The following CHODL variants were observed in gnomAD, a reference collection of about 807,000 sequenced individuals.
The protein encoded by CHODL is chondrolectin.
Under a neutral mutation model 34.5 loss-of-function variants are expected in CHODL, and 29 were observed. The observed-to-expected ratio is 0.84, with a 90% CI of 0.63 to 1.15. CHODL has a LOEUF of 1.15. Among genes scored for constraint, CHODL ranks in the 50% most tolerant of loss-of-function variants. The pLI, the probability that CHODL is intolerant of heterozygous loss-of-function variation, is 0.00. For synonymous variants in CHODL, 125 were observed against 116.1 expected (o/e 1.08, Z -0.49); for missense variants, 332 against 332.5 (o/e 1.00, Z 0.01).
intron 1 of CHODL, among the ~76,000 whole-genome samples, chr21:17,978,027 C>T (rs1476758952): frequency 6.6e-6 from 1 of 151,828 alleles, no homozygotes; most frequent in Non-Finnish European, 1.5e-5. Flanking sequence ...TAAATTAGCC[C>T]AAACAGTGGC....
chr21:18,150,888 A>G (rs2072956733), intron 2 of CHODL, among the ~76,000 whole-genome samples: 1 of 151,954 alleles, frequency 6.6e-6, no homozygotes, highest in Admixed American at 6.6e-5. Context: ...GTTCAAGACC[A>G]GCCTGGCCAA....
chr21:17,923,141 A>G (rs1002242008), intron 1 of CHODL, among the ~76,000 whole-genome samples: 2 of 152,090 alleles, frequency 1.3e-5, no homozygotes, highest in African/African-American at 4.8e-5. Flanking sequence ...CTTTGAATAG[A>G]ATGGGAGGCA....
At chr21:18,100,035 G>A (rs1010835515) in intron 2 of CHODL, 8 of 151,790 alleles carry the variant, frequency 5.3e-5, no homozygotes, top group African/African-American at 1.9e-4. Context: ...ATATGACAAA[G>A]CAAAGAAGGA....
intron 1 of CHODL, among the ~76,000 whole-genome samples, chr21:18,006,356 GA>G (rs113398493): frequency 0.042 from 5,225 of 123,970 alleles, 229 homozygotes; most frequent in African/African-American, 0.13. Flanking sequence ...TAAAATAAAA[GA>G]AAAAAAAAAA....
intron 1 of CHODL, among the ~76,000 whole-genome samples, chr21:17,933,003 A>G (rs2063287745): frequency 6.6e-6 from 1 of 152,216 alleles, no homozygotes; most frequent in Admixed American, 6.5e-5. Context: ...TGCATCATAG[A>G]CAAGGTAAAG....
intron 2 of CHODL, among the ~76,000 whole-genome samples, chr21:18,077,442 G>A (rs1485074617): frequency 6.6e-6 from 1 of 152,110 alleles, no homozygotes; most frequent in African/African-American, 2.4e-5. Flanking sequence ...AATATATTTT[G>A]CAGGATTGAA....
At chr21:18,200,832 AAG>A (rs568991396) in intron 2 of CHODL, among the ~76,000 whole-genome samples, 18 of 152,194 alleles carry the variant, frequency 1.2e-4, no homozygotes, top group Non-Finnish European at 2.2e-4. Flanking sequence ...GACAATCAAA[AAG>A]AGAGAGAAGG....
At chr21:18,234,020 G>T (rs959481729) in intron 2 of CHODL, among the ~76,000 whole-genome samples, 2 of 152,070 alleles carry the variant, frequency 1.3e-5, no homozygotes, top group African/African-American at 4.8e-5. Flanking sequence ...TTCTTAAAAT[G>T]CTGGAATAAA....
chr21:17,952,194 C>CAAAAAAA lies in CHODL; in HGVS notation c.-145+34809_-145+34815dup, dbSNP rs58511535. Among the ~76,000 whole-genome samples, 453 of 80,206 alleles carry CAAAAAAA rather than the reference C, an allele frequency of 5.6e-3. 9 individuals carry two copies. The highest frequency in any genetic ancestry group is 0.012 in the South Asian group (29 of 2,386). The allele number at this position is 80,206 out of a possible 152,430, so 52.6% of individuals were successfully genotyped here. The stretch of plus-strand genomic sequence containing the variant: ...GATTGTGCAGAGCAATACTATGTCT[C>CAAAAAAA]AAAAAAAAAAAAAAAAAAAAAGAAA... On this transcript the variant is annotated intron_variant, in intron 1 of 6. Transcript: ENST00000400127.
intron 1 of CHODL, among the ~76,000 whole-genome samples, chr21:17,920,263 C>T (rs1183494642): frequency 2.6e-5 from 4 of 152,078 alleles, no homozygotes; most frequent in Non-Finnish European, 4.4e-5. Flanking sequence ...AAAGACATAC[C>T]CAAGACTGGG....
chr21:18,015,307 T>C (rs2064061786), intron 1 of CHODL, among the ~76,000 whole-genome samples: 2 of 152,128 alleles, frequency 1.3e-5, no homozygotes, highest in African/African-American at 4.8e-5. Flanking sequence ...CCCCTTTGCC[T>C]TCTCTCTCTC....
intron 1 of CHODL, among the ~76,000 whole-genome samples, chr21:17,978,723 G>T (rs973461683): frequency 1.1e-4 from 6 of 56,124 alleles, no homozygotes; most frequent in South Asian, 4.4e-4. Flanking sequence ...TCTCAAAAAA[G>T]AAAAAAAAAG....
intron 2 of CHODL, among the ~76,000 whole-genome samples, chr21:18,134,762 G>A (rs940882270): frequency 7.2e-5 from 11 of 152,120 alleles, no homozygotes; most frequent in Admixed American, 2.6e-4. Flanking sequence ...GCACATTTGG[G>A]TGACACTTTA....
intron 2 of CHODL, among the ~76,000 whole-genome samples, chr21:18,028,388 C>T (rs957487349): frequency 1.3e-5 from 2 of 150,332 alleles, no homozygotes; most frequent in Non-Finnish European, 3.0e-5. Flanking sequence ...AGGTAAGTTT[C>T]ATAAGATCAA....
chr21:18,239,677 G>A (rs754304294), intron 2 of CHODL, among the ~76,000 whole-genome samples: 23 of 151,676 alleles, frequency 1.5e-4, no homozygotes, highest in Non-Finnish European at 2.8e-4. Context: ...AAAATATCTT[G>A]CTTTATCAAA....
At chr21:18,116,760 A>G (rs2065418129) in intron 2 of CHODL, among the ~76,000 whole-genome samples, 1 of 152,206 alleles carries the variant, frequency 6.6e-6, no homozygotes, top group African/African-American at 2.4e-5. Context: ...TGGGTGAATC[A>G]GAAGACGTCA....
chr21:18,168,976 C>G (rs1479056016), intron 2 of CHODL, among the ~76,000 whole-genome samples: 1 of 151,974 alleles, frequency 6.6e-6, no homozygotes, highest in African/African-American at 2.4e-5. Context: ...CTTTCTTTTA[C>G]TTGTGGATAT....
chr21:18,148,141 C>T (rs923849536), intron 2 of CHODL, among the ~76,000 whole-genome samples: 3 of 152,098 alleles, frequency 2.0e-5, no homozygotes, highest in South Asian at 2.1e-4. Context: ...TCAAGTAACT[C>T]GTCATGACAT....
At chr21:17,934,841 ATGT>A (rs1223563500) in intron 1 of CHODL, among the ~76,000 whole-genome samples, 1 of 152,126 alleles carries the variant, frequency 6.6e-6, no homozygotes, top group Non-Finnish European at 1.5e-5. Context: ...GTTCAAAATA[ATGT>A]TGTGATATGA....
Sources: gnomAD v4.1 joint callset for allele counts (sites outside exome capture counted in the v4.1 genomes callset) on GRCh38, gnomAD v4.1.1 for gene constraint, MANE v1.5 for transcripts, NCBI Gene and HGNC (gene_info 2026-07-23, HGNC 2026-07-21) for gene names.